Variants in FAM13C observed in about 807,000 individuals in gnomAD.
The protein encoded by FAM13C is protein FAM13C.
Under a neutral mutation model 73.2 loss-of-function variants are expected in FAM13C, and 37 were observed. That is an observed-to-expected ratio of 0.51 (90% CI 0.39 to 0.67). The LOEUF (loss-of-function observed/expected upper bound fraction) is 0.67, where lower values mean the gene tolerates loss of function less well. Among genes scored for constraint, FAM13C ranks in the 30% least tolerant of loss-of-function variants. The probability of loss-of-function intolerance (pLI) is 0.00; values close to 1 mark genes in which losing one functional copy is unlikely to be tolerated. For missense variants in FAM13C, 589 were observed against 715.6 expected, an observed-to-expected ratio of 0.82 and a Z score of 2.02; for synonymous variants, 246 against 260.9, an observed-to-expected ratio of 0.94 and a Z score of 0.55.
At chr10:59,272,051 C>A (rs547649038) in intron 6 of FAM13C, among the ~76,000 whole-genome samples, 42 of 152,188 alleles carry the variant, frequency 2.8e-4, no homozygotes, top group African/African-American at 9.6e-4. Flanking sequence ...GTTTCTGGAA[C>A]CCATAGAGTC....
At chr10:59,331,805 G>A (rs975115557) in intron 3 of FAM13C, among the ~76,000 whole-genome samples, 2 of 152,168 alleles carry the variant, frequency 1.3e-5, no homozygotes, top group Non-Finnish European at 2.9e-5. Context: ...GTGATTGACA[G>A]GATGTGGTTG....
intron 2 of FAM13C, 57 bp downstream of exon 2, chr10:59,355,830 C>A (rs1855644527): frequency 6.7e-7 from 1 of 1,492,624 alleles, no homozygotes; most frequent in African/African-American, 1.4e-5. Context: ...GGAAAGCCAC[C>A]AGACCTAGAT....
Position 59,246,724 on chromosome 10 carries a change from T to C in FAM13C, c.*890A>G, listed in dbSNP as rs1840741567. ...ATAACTACAGCTCATGGGAAATGTT[T>C]TGACTTTACAAAGTATAGATGTTGG... is the stretch of plus-strand genomic sequence containing the variant. On this transcript the variant is annotated 3_prime_UTR_variant, in exon 14 of 14. Transcript: ENST00000618804. The C allele has an allele frequency of 2.5e-6, 1 of 397,152 alleles. No individual in the cohort carries two copies. Among genetic ancestry groups the C allele is most frequent in the Non-Finnish European group, 4.4e-6 (1 of 225,148 alleles). The allele number at this position is 397,152 out of a possible 1,614,324, so 24.6% of individuals were successfully genotyped here.
chr10:59,311,735 G>C (rs546109035), intron 4 of FAM13C, among the ~76,000 whole-genome samples: 1 of 152,162 alleles, frequency 6.6e-6, no homozygotes, highest in Admixed American at 6.5e-5. Flanking sequence ...AAGAGAAGGT[G>C]GGGTGTGTGT....
At chr10:59,290,881 T>C (rs1846148959) in intron 5 of FAM13C, among the ~76,000 whole-genome samples, 1 of 152,298 alleles carries the variant, frequency 6.6e-6, no homozygotes, top group South Asian at 2.1e-4. Context: ...GGCAGGGGTC[T>C]CTGAGTATCC....
chr10:59,351,610 C>T (rs527705931), intron 3 of FAM13C, among the ~76,000 whole-genome samples: 4 of 152,238 alleles, frequency 2.6e-5, no homozygotes, highest in Admixed American at 1.3e-4. Flanking sequence ...AGCAGAATCC[C>T]CACGTCTGAG....
At chr10:59,247,774 A>G (rs1459996) in intron 13 of FAM13C, 37 bp from the exon 14 acceptor site, 1,304,458 of 1,585,548 alleles carry the variant, frequency 0.82, 542,358 homozygotes, top group Admixed American at 0.86. Context: ...TTCACAATGA[A>G]TCAAGTCATT....
intron 7 of FAM13C, 133 bp downstream of exon 7, chr10:59,269,766 T>G: frequency 3.8e-6 from 4 of 1,057,100 alleles, no homozygotes; most frequent in Non-Finnish European, 5.5e-6. Context: ...ATTTTTGTCA[T>G]TTATTGTTCC....
chr10:59,268,609 G>C lies in FAM13C; in HGVS notation c.886C>G (p.Leu296Val), dbSNP rs1004879833. The change falls in exon 8 of 14, where the codon CTC becomes GTC. Residue 296 changes from leucine (L) to valine (V), a missense_variant. Transcript: ENST00000618804. ...ITQLTKHIQS[L>V]KRKIRKFEEK... is the part of the protein sequence containing the mutation. ...TCAAATTTCCGAATTTTCCGCTTGA[G>C]GCTCTGGATGTGCTTGGTGAGCTGG... The C allele has an allele frequency of 6.2e-7, 1 of 1,613,742 alleles. No homozygotes were observed. Among genetic ancestry groups the C allele is most frequent in the Non-Finnish European group, 8.5e-7 (1 of 1,179,818 alleles).
intron 6 of FAM13C, among the ~76,000 whole-genome samples, chr10:59,273,910 C>T (rs917621554): frequency 1.3e-5 from 2 of 152,154 alleles, no homozygotes; most frequent in Non-Finnish European, 2.9e-5. Context: ...CTATTCCAAA[C>T]CTAAGTAAAT....
intron 10 of FAM13C, among the ~76,000 whole-genome samples, chr10:59,257,435 G>A (rs1290700900): frequency 6.6e-6 from 1 of 152,220 alleles, no homozygotes. Context: ...CCGCATGGGA[G>A]TGGTGCCATG....
intron 4 of FAM13C, among the ~76,000 whole-genome samples, chr10:59,317,588 C>A (rs932967062): frequency 6.6e-6 from 1 of 152,080 alleles, no homozygotes; most frequent in Non-Finnish European, 1.5e-5. Context: ...AATGAACTCA[C>A]CAACCTTGTG....
chr10:59,268,550 T>C lies in FAM13C; in HGVS notation c.942+3A>G. On this transcript the variant is annotated splice_donor_region_variant and intron_variant, in intron 8 of 13. Coordinates refer to ENST00000618804, the MANE Select transcript of FAM13C (RefSeq NM_198215.4). Reference sequence around the variant, plus strand: ...CTCCTATGTCAAACCCCAGGGTTCTTACCCGGTATTTCTTTTCTTGTTCAA... The same window carrying C: ...CTCCTATGTCAAACCCCAGGGTTCTCACCCGGTATTTCTTTTCTTGTTCAA... The C allele has an allele frequency of 1.2e-6, 2 of 1,613,718 alleles. No individual in the cohort carries two copies. The highest frequency in any genetic ancestry group is 1.7e-6 in the Non-Finnish European group (2 of 1,179,716).
At chr10:59,355,610 T>C (rs1045618175) in intron 2 of FAM13C, among the ~76,000 whole-genome samples, 1 of 152,150 alleles carries the variant, frequency 6.6e-6, no homozygotes, top group Non-Finnish European at 1.5e-5. Context: ...CTTTAGGGTG[T>C]GTGATGAGAA....
chr10:59,247,823 T>C (rs957071168), intron 13 of FAM13C, 86 bp from the exon 14 acceptor site: 1 of 1,371,834 alleles, frequency 7.3e-7, no homozygotes, highest in East Asian at 2.4e-5. Flanking sequence ...TGAGAAAGTA[T>C]ACTGTAACGG....
At chr10:59,325,974 C>T (rs1242294188) in intron 3 of FAM13C, among the ~76,000 whole-genome samples, 1 of 151,894 alleles carries the variant, frequency 6.6e-6, no homozygotes, top group Non-Finnish European at 1.5e-5. Context: ...CCTCTGAACT[C>T]TAAAAGGTTT....
chr10:59,304,679 A>G (rs1426195885), intron 4 of FAM13C, among the ~76,000 whole-genome samples: 1 of 150,784 alleles, frequency 6.6e-6, no homozygotes, highest in East Asian at 2.0e-4. Context: ...TGATTAAATA[A>G]TCTGTACAAC....
intron 6 of FAM13C, among the ~76,000 whole-genome samples, chr10:59,271,897 G>C (rs1312149617): frequency 1.3e-5 from 2 of 152,166 alleles, no homozygotes; most frequent in African/African-American, 4.8e-5. Flanking sequence ...GAAAAGGTCT[G>C]AGACCTTCAA....
Position 59,285,970 on chromosome 10 carries a change from G to A in FAM13C, c.508-2523C>T, listed in dbSNP as rs56253819. Among the ~76,000 whole-genome samples, 281 of 152,270 alleles carry A rather than the reference G, an allele frequency of 1.8e-3. 1 individual carries two copies. The highest frequency in any genetic ancestry group is 6.4e-3 in the African/African-American group (265 of 41,522). ...GTTTAAGTTTCCAAGTCTGATATTT[G>A]TTATGGAAGAACTAACAGACTAACA... On this transcript the variant is annotated intron_variant, in intron 5 of 13. Transcript: ENST00000618804.
Sources: allele counts gnomAD v4.1 joint callset (sites outside exome capture counted in the v4.1 genomes callset), GRCh38; gene constraint gnomAD v4.1.1; transcripts MANE v1.5; gene names NCBI Gene and HGNC (gene_info 2026-07-23, HGNC 2026-07-21).